The following ACOT12 variants were observed in gnomAD, a reference collection of about 807,000 sequenced individuals.
ACOT12 encodes the protein acetyl-coenzyme A thioesterase.
In ACOT12, 51 loss-of-function variants were observed where a neutral mutation model predicts 67.7. The ratio of observed to expected loss-of-function variants is 0.75; its 90% confidence interval spans 0.60 to 0.95. The LOEUF (loss-of-function observed/expected upper bound fraction) is 0.95, where lower values mean the gene tolerates loss of function less well. Among genes scored for constraint, ACOT12 ranks in the 40% least tolerant of loss-of-function variants. The pLI is 0.00. For synonymous variants in ACOT12, 251 were observed against 244.6 expected (o/e 1.03, Z -0.24); for missense variants, 734 against 708.1 (o/e 1.04, Z -0.41).
intron 2 of ACOT12, among the ~76,000 whole-genome samples, chr5:81,384,680 T>G (rs904106667): frequency 6.6e-6 from 1 of 152,090 alleles, no homozygotes; most frequent in Non-Finnish European, 1.5e-5. Context: ...AAGGATGAAG[T>G]CGTTAGTGAT....
At chr5:81,360,153 T>G in intron 4 of ACOT12, 115 bp from the exon 5 acceptor site, 1 of 1,041,910 alleles carries the variant, frequency 9.6e-7, no homozygotes, top group East Asian at 2.8e-5. Context: ...TAAATAGAGC[T>G]TTTATGAGTG....
intron 5 of ACOT12, among the ~76,000 whole-genome samples, chr5:81,348,457 G>T (rs1759450882): frequency 1.3e-5 from 2 of 152,204 alleles, no homozygotes; most frequent in Admixed American, 6.5e-5. Flanking sequence ...ACACCAGGAA[G>T]CTTGAAACAC....
rs533675788 is a variant in ACOT12, at chr5:81,347,903, G to A, written c.524C>T (p.Ala175Val). Residue 175 changes from alanine (A) to valine (V), a missense_variant, in exon 6 of 15, where the codon GCG becomes GTG. Transcript: ENST00000307624. The stretch of plus-strand genomic sequence containing the variant: ...AACGGAGGTGCCCCTTGTGGAAACC[G>A]CTCCTTCCTCTTCATCAAAAATGAG... ...DDLIFDEEEG[A>V]VSTRGTSVQS... The A allele has an allele frequency of 1.4e-5, 22 of 1,613,548 alleles. No individual in the cohort carries two copies. The highest frequency in any genetic ancestry group is 2.2e-5 in the South Asian group (2 of 90,908).
At chr5:81,355,740 G>A (rs576346038) in intron 5 of ACOT12, among the ~76,000 whole-genome samples, 40 of 152,324 alleles carry the variant, frequency 2.6e-4, no homozygotes, top group African/African-American at 9.1e-4. Flanking sequence ...CTCCAGGGTG[G>A]ATGGTTTGGG....
intron 3 of ACOT12, among the ~76,000 whole-genome samples, chr5:81,364,679 G>A (rs563332406): frequency 1.3e-5 from 2 of 151,994 alleles, no homozygotes; most frequent in Non-Finnish European, 2.9e-5. Context: ...CACCCACTTC[G>A]GCCTCCCAAA....
chr5:81,381,185 G>A (rs752424908), intron 2 of ACOT12, among the ~76,000 whole-genome samples: 8 of 152,036 alleles, frequency 5.3e-5, no homozygotes, highest in Middle Eastern at 3.4e-3. Flanking sequence ...TCCTGCCTCA[G>A]CTTCCCGAAT....
the ACOT12 span, among the ~76,000 whole-genome samples, chr5:81,321,705 G>C: frequency 6.6e-6 from 1 of 152,188 alleles, no homozygotes; most frequent in African/African-American, 2.4e-5. Flanking sequence ...TAGCACTTTG[G>C]TGGGGCTGAG....
Position 81,345,124 on chromosome 5 carries a change from C to A in ACOT12, c.774-83G>T, listed in dbSNP as rs1282289375. ...TTGCACACCGCTGCCACCTCCTCGCCCACCGCTGCCACCTCCTCTAAGCAA... is the reference window on the plus strand; with the variant it reads ...TTGCACACCGCTGCCACCTCCTCGCACACCGCTGCCACCTCCTCTAAGCAA... On this transcript the variant is annotated intron_variant, in intron 7 of 14. Coordinates refer to ENST00000307624, the MANE Select transcript of ACOT12 (RefSeq NM_130767.3). The A allele has an allele frequency of 6.2e-6, 5 of 805,226 alleles. No homozygotes were observed. The East Asian group carries it at 1.2e-4, about 20-fold the overall frequency. 49.9% of individuals were successfully genotyped at this position (805,226 alleles called of 1,614,324 possible).
the ACOT12 span, among the ~76,000 whole-genome samples, chr5:81,323,130 G>T: frequency 6.8e-6 from 1 of 146,560 alleles, no homozygotes; most frequent in Non-Finnish European, 1.5e-5. Context: ...GGCTGGAAAA[G>T]AATGAAGGAA....
chr5:81,317,362 C>T, the ACOT12 span, among the ~76,000 whole-genome samples: 10 of 152,010 alleles, frequency 6.6e-5, no homozygotes, highest in East Asian at 9.7e-4. Context: ...ATTAGCCAGG[C>T]GCAGTGGTGG....
intron 4 of ACOT12, 53 bp from the exon 5 acceptor site, chr5:81,360,091 C>T: frequency 2.6e-6 from 4 of 1,557,004 alleles, no homozygotes; most frequent in Non-Finnish European, 3.5e-6. Flanking sequence ...TATAAAAGCA[C>T]AGCATGAATT....
chr5:81,308,905 A>G, the ACOT12 span: 80 of 1,537,576 alleles, frequency 5.2e-5, no homozygotes, highest in African/African-American at 8.5e-4. Context: ...ATGACTTGCC[A>G]TATGTATTGT....
chr5:81,333,365 C>T (rs1758893233), intron 12 of ACOT12, among the ~76,000 whole-genome samples: 1 of 152,138 alleles, frequency 6.6e-6, no homozygotes, highest in African/African-American at 2.4e-5. Context: ...TCTTTTGACT[C>T]CCAGATTGCC....
intron 3 of ACOT12, among the ~76,000 whole-genome samples, chr5:81,371,510 C>G (rs1368615740): frequency 6.6e-6 from 1 of 152,128 alleles, no homozygotes; most frequent in Non-Finnish European, 1.5e-5. Flanking sequence ...GTCTCAGCCT[C>G]TCAAAGTGCT....
At chr5:81,350,481 T>G (rs1759518920) in intron 5 of ACOT12, among the ~76,000 whole-genome samples, 1 of 152,230 alleles carries the variant, frequency 6.6e-6, no homozygotes, top group Non-Finnish European at 1.5e-5. Flanking sequence ...GGGCCTGGTG[T>G]CACTTCCAGA....
chr5:81,309,190 T>A, the ACOT12 span: 1 of 542,994 alleles, frequency 1.8e-6, no homozygotes, highest in Non-Finnish European at 3.1e-6. Flanking sequence ...TCATATGTAC[T>A]AGGCTTTTTG....
chr5:81,382,605 T>C (rs1469345365), intron 2 of ACOT12, among the ~76,000 whole-genome samples: 1 of 152,050 alleles, frequency 6.6e-6, no homozygotes, highest in Admixed American at 6.6e-5. Context: ...GAGACCAGCC[T>C]GGCCAACATG....
intron 6 of ACOT12, 93 bp downstream of exon 6, chr5:81,347,681 A>G (rs1698866231): frequency 7.1e-7 from 1 of 1,399,270 alleles, no homozygotes; most frequent in Non-Finnish European, 9.7e-7. Flanking sequence ...CCTTTCCTTG[A>G]CTTCTTGACT....
chr5:81,354,595 A>T lies in ACOT12; in HGVS notation c.496+5308T>A, dbSNP rs150404810. ...TAGCAGAGATCCCCATTCCTCCAAGATAAAAACATGACAACAATTTCCCAG... is the reference window on the plus strand; with the variant it reads ...TAGCAGAGATCCCCATTCCTCCAAGTTAAAAACATGACAACAATTTCCCAG... On this transcript the variant is annotated intron_variant, in intron 5 of 14. Transcript: ENST00000307624. Among the ~76,000 whole-genome samples the T allele has an allele frequency of 6.2e-3, 937 of 152,346 alleles. 11 individuals are homozygous for T. The highest frequency in any genetic ancestry group is 0.041 in the Middle Eastern group (12 of 294).
Sources: gnomAD v4.1 joint callset for allele counts (sites outside exome capture counted in the v4.1 genomes callset) on GRCh38, gnomAD v4.1.1 for gene constraint, MANE v1.5 for transcripts, NCBI Gene and HGNC (gene_info 2026-07-23, HGNC 2026-07-21) for gene names.